CENPP: variants seen among roughly 807,000 people sequenced by gnomAD.
CENPP encodes the protein centromere protein P.
A neutral mutation model predicts 35.6 loss-of-function variants in CENPP; 24 were observed. That is an observed-to-expected ratio of 0.67 (90% confidence interval 0.49 to 0.95). The LOEUF (loss-of-function observed/expected upper bound fraction) is 0.95, where lower values mean the gene tolerates loss of function less well. Among genes scored for constraint, CENPP ranks in the 40% least tolerant of loss-of-function variants. CENPP has a pLI of 0.00. For missense variants in CENPP, 332 were observed against 345.3 expected (o/e 0.96, Z 0.31); for synonymous variants, 120 against 125.5 (o/e 0.96, Z 0.29).
chr9:92,370,195 G>A (rs1407224937), intron 4 of CENPP, among the ~76,000 whole-genome samples: 1 of 152,146 alleles, frequency 6.6e-6, no homozygotes, highest in East Asian at 1.9e-4. Context: ...TCTTTCTCAT[G>A]TGCTTAAAAG....
intron 5 of CENPP, among the ~76,000 whole-genome samples, chr9:92,434,427 G>A (rs986311622): frequency 2.0e-5 from 3 of 151,262 alleles, no homozygotes; most frequent in Non-Finnish European, 2.9e-5. Flanking sequence ...ATTGGAGATC[G>A]AAATATTTAG....
intron 5 of CENPP, among the ~76,000 whole-genome samples, chr9:92,506,585 T>G (rs1204896910): frequency 6.6e-6 from 1 of 152,176 alleles, no homozygotes; most frequent in Non-Finnish European, 1.5e-5. Context: ...GAATGCCATG[T>G]GGGACTCCGT....
intron 5 of CENPP, among the ~76,000 whole-genome samples, chr9:92,482,031 C>T (rs2131104280): frequency 6.6e-6 from 1 of 151,132 alleles, no homozygotes; most frequent in African/African-American, 2.4e-5. Context: ...TATGGTAAGG[C>T]ATAATGACAG....
intron 5 of CENPP, among the ~76,000 whole-genome samples, chr9:92,423,558 T>C (rs1186055328): frequency 1.9e-4 from 29 of 152,156 alleles, no homozygotes; most frequent in Admixed American, 1.9e-3. Context: ...TAAATTTTAA[T>C]TTTATAAAAT....
chr9:92,362,200 T>A (rs1841772478), intron 4 of CENPP, among the ~76,000 whole-genome samples: 1 of 151,924 alleles, frequency 6.6e-6, no homozygotes, highest in Non-Finnish European at 1.5e-5. Flanking sequence ...AGAGCAAGGC[T>A]CTATCTCTTC....
At chr9:92,495,837 A>G (rs10429459) in intron 5 of CENPP, 320,325 of 964,322 alleles carry the variant, frequency 0.33, 57,177 homozygotes, top group African/African-American at 0.67. Context: ...ATAGCACAGG[A>G]CCTTATAAGA....
At chr9:92,417,131 A>G in intron 5 of CENPP, 1 of 1,613,826 alleles carries the variant, frequency 6.2e-7, no homozygotes, top group Non-Finnish European at 8.5e-7. Context: ...AAGTTGTAGT[A>G]GATTTGGAAG....
intron 5 of CENPP, among the ~76,000 whole-genome samples, chr9:92,489,164 G>T (rs1028735413): frequency 5.3e-5 from 8 of 152,200 alleles, no homozygotes; most frequent in African/African-American, 1.9e-4. Flanking sequence ...TTGTAGACAT[G>T]TCATAAGCTG....
rs767442671 is a variant in CENPP at position 92,613,131 on chromosome 9, T to C, written c.849T>C (p.Cys283=). 1 of 1,614,188 alleles carries C rather than the reference T, an allele frequency of 6.2e-7. No homozygotes were observed. Among genetic ancestry groups the C allele is most frequent in the Admixed American group, 1.7e-5 (1 of 60,024 alleles). Residue 283 remains cysteine, a synonymous_variant, in exon 8 of 8, where the codon TGT becomes TGC. Coordinates refer to ENST00000375587, the MANE Select transcript of CENPP (RefSeq NM_001012267.3). ...AALESLIKSL[C]AEENN ...TGGAAAGCCTGATAAAATCGCTTTGTGCAGAGGAGAACAACTAGTTCCAAA... is the reference window on the plus strand; with the variant it reads ...TGGAAAGCCTGATAAAATCGCTTTGCGCAGAGGAGAACAACTAGTTCCAAA...
chr9:92,506,371 C>T (rs1283087893), intron 5 of CENPP, among the ~76,000 whole-genome samples: 1 of 151,892 alleles, frequency 6.6e-6, no homozygotes, highest in Non-Finnish European at 1.5e-5. Context: ...CAAGAAAGGC[C>T]TTTATACAAA....
At chr9:92,496,503 C>A (rs772478056) in intron 5 of CENPP, 1 of 1,602,758 alleles carries the variant, frequency 6.2e-7, no homozygotes, top group Non-Finnish European at 8.5e-7. Flanking sequence ...AATAGACATG[C>A]AAGTCACACA....
chr9:92,427,709 A>G (rs978600924), intron 5 of CENPP, among the ~76,000 whole-genome samples: 2 of 150,000 alleles, frequency 1.3e-5, no homozygotes, highest in African/African-American at 4.9e-5. Flanking sequence ...CGAGCTCCTG[A>G]CCTCAGGCAG....
At chr9:92,472,761 G>T (rs975843086) in intron 5 of CENPP, among the ~76,000 whole-genome samples, 1 of 152,156 alleles carries the variant, frequency 6.6e-6, no homozygotes, top group Non-Finnish European at 1.5e-5. Context: ...GCAAGGTAGG[G>T]TGCAGTTTTG....
At chr9:92,532,179 GTCT>G (rs1848841289) in intron 5 of CENPP, among the ~76,000 whole-genome samples, 1 of 151,026 alleles carries the variant, frequency 6.6e-6, no homozygotes, top group South Asian at 2.1e-4. Context: ...CAATTTCTAT[GTCT>G]TCTTTTTTCC....
chr9:92,491,633 C>A (rs1846174844), intron 5 of CENPP, among the ~76,000 whole-genome samples: 1 of 152,184 alleles, frequency 6.6e-6, no homozygotes. Context: ...CAGATGGCCC[C>A]TGGCTCTCAA....
At chr9:92,385,742 C>T (rs771916853) in intron 5 of CENPP, 1 of 1,614,134 alleles carries the variant, frequency 6.2e-7, no homozygotes, top group East Asian at 2.2e-5. Flanking sequence ...TAACTGGTGT[C>T]ATTAGCCTTG....
chr9:92,415,331 C>T, intron 5 of CENPP: 1 of 1,613,550 alleles, frequency 6.2e-7, no homozygotes, highest in South Asian at 1.1e-5. Context: ...CGTTGTTCAC[C>T]ATAATAAATA....
intron 3 of CENPP, 41 bp from the exon 4 acceptor site, chr9:92,345,658 T>C (rs1564270225): frequency 8.9e-7 from 1 of 1,125,840 alleles, no homozygotes; most frequent in East Asian, 2.4e-5. Flanking sequence ...CTTTTTGAAG[T>C]TTACTGTGCT....
Position 92,389,503 on chromosome 9 carries a change from G to GA in CENPP, c.564+9649dup, listed in dbSNP as rs751825601. On this transcript the variant is annotated intron_variant, in intron 5 of 7. Transcript: ENST00000375587. Reference sequence around the variant, plus strand: ...GTTTATAATTTGCTAACATTGTAAGGAAAAAGAAACACAGGAAATATCCCA... The same window carrying GA: ...GTTTATAATTTGCTAACATTGTAAGGAAAAAAGAAACACAGGAAATATCCCA... The GA allele has an allele frequency of 2.5e-5, 4 of 161,108 alleles. No individual in the cohort carries two copies. The Admixed American group carries it at 2.6e-4, about 10-fold the overall frequency. The allele number at this position is 161,108 out of a possible 1,614,324, so 10.0% of individuals were successfully genotyped here.
Sources: gnomAD v4.1 joint callset for allele counts (sites outside exome capture counted in the v4.1 genomes callset) on GRCh38, gnomAD v4.1.1 for gene constraint, MANE v1.5 for transcripts, NCBI Gene and HGNC (gene_info 2026-07-23, HGNC 2026-07-21) for gene names.